ZNF804B: variants seen among roughly 807,000 people sequenced by gnomAD.
ZNF804B encodes zinc finger 804B.
In ZNF804B, 80 loss-of-function variants were observed where a neutral mutation model predicts 101.4. The ratio of observed to expected loss-of-function variants is 0.79; its 90% confidence interval spans 0.66 to 0.95. The LOEUF (loss-of-function observed/expected upper bound fraction) is 0.95, where lower values mean the gene tolerates loss of function less well. Ranked by LOEUF, ZNF804B falls within the 40% of genes least tolerant of loss-of-function variation. ZNF804B has a pLI of 0.00. For synonymous variants in ZNF804B, 622 were observed against 558.8 expected (o/e 1.11, Z -1.59); for missense variants, 1,673 against 1,561.9 (o/e 1.07, Z -1.20).
intron 1 of ZNF804B, among the ~76,000 whole-genome samples, chr7:88,926,581 CTGGG>C (rs1326986189): frequency 1.3e-5 from 2 of 152,166 alleles, no homozygotes; most frequent in East Asian, 3.9e-4. Context: ...GCACTCCAGC[CTGGG>C]TGACAGAGTG....
chr7:88,943,770 C>G (rs944992620), intron 1 of ZNF804B, among the ~76,000 whole-genome samples: 1 of 151,816 alleles, frequency 6.6e-6, no homozygotes, highest in Non-Finnish European at 1.5e-5. Flanking sequence ...CCCTGGAAAA[C>G]ACAGATCTGA....
intron 1 of ZNF804B, among the ~76,000 whole-genome samples, chr7:88,780,540 A>G (rs1440953838): frequency 5.9e-5 from 9 of 151,632 alleles, no homozygotes; most frequent in Admixed American, 5.9e-4. Flanking sequence ...CAGGTGCACC[A>G]CTATGCCTGG....
At chr7:88,966,989 C>CACCA (rs1397829750) in intron 1 of ZNF804B, among the ~76,000 whole-genome samples, 7 of 149,042 alleles carry the variant, frequency 4.7e-5, no homozygotes, top group African/African-American at 1.7e-4. Flanking sequence ...AAGTGTAATA[C>CACCA]ACCAGTCCAC....
intron 1 of ZNF804B, among the ~76,000 whole-genome samples, chr7:88,897,468 C>A (rs1359522698): frequency 6.6e-6 from 1 of 152,110 alleles, no homozygotes; most frequent in Non-Finnish European, 1.5e-5. Context: ...TTGCTGACAC[C>A]TTAATTTTGG....
At chr7:89,300,143 C>G (rs868677930) in intron 2 of ZNF804B, among the ~76,000 whole-genome samples, 5 of 151,618 alleles carry the variant, frequency 3.3e-5, no homozygotes, top group African/African-American at 4.8e-5. Context: ...GGCCATGTCA[C>G]TCTGCTGTAT....
intron 1 of ZNF804B, among the ~76,000 whole-genome samples, chr7:88,790,748 GA>G (rs1173325125): frequency 4.6e-5 from 7 of 152,020 alleles, no homozygotes; most frequent in Non-Finnish European, 8.8e-5. Context: ...GGGCTGCAAT[GA>G]ACATACGCGT....
At chr7:88,803,073 C>T (rs1012018753) in intron 1 of ZNF804B, among the ~76,000 whole-genome samples, 1 of 151,974 alleles carries the variant, frequency 6.6e-6, no homozygotes, top group East Asian at 1.9e-4. Flanking sequence ...AGAAATCTAG[C>T]CATGTTTTAA....
At position 89,337,825 on chromosome 7, in the gene ZNF804B, G is replaced by A. The variant is rs1219748625; in HGVS notation, c.*793G>A. On this transcript the variant is annotated 3_prime_UTR_variant, in exon 4 of 4. Transcript: ENST00000333190. ...CTCAGAATAACCTTTTAAATATATT[G>A]GTCAATCTGTCAAATATAACAGGAA... Among the ~76,000 whole-genome samples the A allele has an allele frequency of 6.6e-6, 1 of 151,722 alleles. No homozygotes were observed. Among genetic ancestry groups the A allele is most frequent in the Non-Finnish European group, 1.5e-5 (1 of 67,860 alleles).
intron 1 of ZNF804B, among the ~76,000 whole-genome samples, chr7:88,932,381 A>T (rs1792900154): frequency 6.6e-6 from 1 of 151,962 alleles, no homozygotes; most frequent in Non-Finnish European, 1.5e-5. Context: ...CCAGCATAAG[A>T]AAAGAAATCA....
chr7:89,075,612 G>T (rs1405680519), intron 1 of ZNF804B, among the ~76,000 whole-genome samples: 1 of 152,212 alleles, frequency 6.6e-6, no homozygotes, highest in Non-Finnish European at 1.5e-5. Context: ...TGCTAGCCCA[G>T]TGTAGAACGG....
chr7:88,989,017 TTTATTA>T (rs564613960), intron 1 of ZNF804B, among the ~76,000 whole-genome samples: 1 of 151,358 alleles, frequency 6.6e-6, no homozygotes, highest in Non-Finnish European at 1.5e-5. Context: ...CAGGGTTTTA[TTTATTA>T]TTATTATTAT....
intron 1 of ZNF804B, among the ~76,000 whole-genome samples, chr7:88,908,903 A>G (rs1410674658): frequency 1.3e-5 from 2 of 151,780 alleles, no homozygotes; most frequent in African/African-American, 4.8e-5. Context: ...AAATGATTAT[A>G]TTGTTCAAGA....
chr7:88,995,172 G>C (rs1372825551), intron 1 of ZNF804B, among the ~76,000 whole-genome samples: 2 of 152,072 alleles, frequency 1.3e-5, no homozygotes, highest in African/African-American at 4.8e-5. Flanking sequence ...CTGGATGAGA[G>C]AGGGATAGAG....
chr7:88,996,988 G>T (rs1297807923), intron 1 of ZNF804B, among the ~76,000 whole-genome samples: 1 of 152,066 alleles, frequency 6.6e-6, no homozygotes, highest in African/African-American at 2.4e-5. Context: ...GTATGTGTAT[G>T]TGTGTGTGTA....
rs773430610 is a variant in ZNF804B at position 89,336,229 on chromosome 7, A to T, written c.3247A>T (p.Thr1083Ser). The T allele has an allele frequency of 6.2e-7, 1 of 1,613,716 alleles. No individual in the cohort carries two copies. The highest frequency in any genetic ancestry group is 1.7e-5 in the Admixed American group (1 of 59,932). The change falls in exon 4 of 4, where the codon ACT becomes TCT. Residue 1083 changes from threonine (T) to serine (S), a missense_variant. Transcript: ENST00000333190. ...FPGAFPSNKY[T>S]GVTDSTETQE... ...TGGTGCTTTTCCGTCTAATAAATAT[A>T]CTGGTGTGACTGATTCAACAGAGAC... is the stretch of plus-strand genomic sequence containing the variant.
chr7:88,915,449 A>G (rs1347666533), intron 1 of ZNF804B, among the ~76,000 whole-genome samples: 1 of 152,068 alleles, frequency 6.6e-6, no homozygotes, highest in Non-Finnish European at 1.5e-5. Context: ...ATAAGTTCAC[A>G]TTATGGACAA....
chr7:89,099,460 T>G (rs946219500), intron 1 of ZNF804B, among the ~76,000 whole-genome samples: 1 of 152,082 alleles, frequency 6.6e-6, no homozygotes, highest in Admixed American at 6.6e-5. Context: ...CACTAAGAAA[T>G]AGATGCACCT....
intron 1 of ZNF804B, among the ~76,000 whole-genome samples, chr7:89,172,967 T>C (rs1239890462): frequency 1.3e-5 from 2 of 152,148 alleles, no homozygotes; most frequent in Non-Finnish European, 2.9e-5. Flanking sequence ...AGGAGTATAG[T>C]ATGTCTAGTG....
intron 1 of ZNF804B, among the ~76,000 whole-genome samples, chr7:88,856,076 T>C (rs1033844229): frequency 2.0e-5 from 3 of 152,244 alleles, no homozygotes; most frequent in African/African-American, 7.2e-5. Context: ...TAGGATTGAC[T>C]TGGCGATGCG....
Sources: gnomAD v4.1 joint callset for allele counts (sites outside exome capture counted in the v4.1 genomes callset) on GRCh38, gnomAD v4.1.1 for gene constraint, MANE v1.5 for transcripts, NCBI Gene and HGNC (gene_info 2026-07-23, HGNC 2026-07-21) for gene names.